The following ENOX1 variants were observed in gnomAD, a reference collection of about 807,000 sequenced individuals.
ENOX1 encodes candidate growth-related and time keeping constitutive hydroquinone (NADH) oxidase.
In ENOX1, 42 loss-of-function variants were observed where a neutral mutation model predicts 82.5. The ratio of observed to expected loss-of-function variants is 0.51; its 90% CI spans 0.40 to 0.66. The LOEUF is 0.66. Ranked by LOEUF, ENOX1 falls within the 30% of genes least tolerant of loss-of-function variation. The pLI, the probability that ENOX1 is intolerant of heterozygous loss-of-function variation, is 0.00. For missense variants in ENOX1, 608 were observed against 811.6 expected (o/e 0.75, Z 3.05); for synonymous variants, 271 against 282.2 (o/e 0.96, Z 0.40).
chr13:43,243,991 T>C (rs1169340675), intron 14 of ENOX1, among the ~76,000 whole-genome samples: 1 of 151,950 alleles, frequency 6.6e-6, no homozygotes, highest in Non-Finnish European at 1.5e-5. Context: ...GCCACTTATA[T>C]GGCAGTTCAT....
At chr13:43,382,483 C>G (rs1296432602) in intron 5 of ENOX1, among the ~76,000 whole-genome samples, 1 of 152,178 alleles carries the variant, frequency 6.6e-6, no homozygotes, top group African/African-American at 2.4e-5. Flanking sequence ...ACATGCGTGA[C>G]TTTCAGAATA....
intron 2 of ENOX1, among the ~76,000 whole-genome samples, chr13:43,508,036 TGA>T (rs2077233511): frequency 6.6e-6 from 1 of 151,932 alleles, no homozygotes; most frequent in African/African-American, 2.4e-5. Context: ...AAAGCACATA[TGA>T]GAGAAACTGG....
intron 12 of ENOX1, among the ~76,000 whole-genome samples, chr13:43,293,369 CCACCACAGCTACCTTCAT>C (rs2046113694): frequency 6.6e-6 from 1 of 152,088 alleles, no homozygotes; most frequent in Non-Finnish European, 1.5e-5. Context: ...GTTACCTTCT[CCACCACAGCTACCTTCAT>C]CACCACCCCC....
intron 1 of ENOX1, among the ~76,000 whole-genome samples, chr13:43,740,395 C>T (rs997689340): frequency 6.6e-6 from 1 of 151,972 alleles, no homozygotes; most frequent in African/African-American, 2.4e-5. Context: ...CATATGATAT[C>T]CATTTTAGAT....
At chr13:43,381,555 T>C (rs191678796) in intron 5 of ENOX1, among the ~76,000 whole-genome samples, 9 of 148,560 alleles carry the variant, frequency 6.1e-5, no homozygotes, top group East Asian at 3.9e-4. Context: ...ATTAGTGACA[T>C]AGAAAAACTA....
chr13:43,269,081 C>G (rs1431244927), intron 13 of ENOX1, among the ~76,000 whole-genome samples: 1 of 152,186 alleles, frequency 6.6e-6, no homozygotes, highest in Non-Finnish European at 1.5e-5. Flanking sequence ...ATGAATCAGT[C>G]CTTGTTCATG....
chr13:43,464,258 G>A (rs1297502669), intron 3 of ENOX1, among the ~76,000 whole-genome samples: 1 of 152,124 alleles, frequency 6.6e-6, no homozygotes, highest in Non-Finnish European at 1.5e-5. Flanking sequence ...CAAAATATAT[G>A]AAGGAAATAA....
intron 12 of ENOX1, among the ~76,000 whole-genome samples, chr13:43,290,658 G>A (rs2045948498): frequency 6.6e-6 from 1 of 152,160 alleles, no homozygotes; most frequent in East Asian, 1.9e-4. Flanking sequence ...CCAGGTGATG[G>A]GATCTGTACG....
chr13:43,509,507 A>G (rs964279390), intron 2 of ENOX1, among the ~76,000 whole-genome samples: 1 of 152,148 alleles, frequency 6.6e-6, no homozygotes, highest in African/African-American at 2.4e-5. Flanking sequence ...TTTTTGAAGC[A>G]TAGTGGGATA....
chr13:43,454,608 T>G (rs1268553772), intron 3 of ENOX1, among the ~76,000 whole-genome samples: 1 of 152,102 alleles, frequency 6.6e-6, no homozygotes, highest in Non-Finnish European at 1.5e-5. Flanking sequence ...TCTTTCCTGA[T>G]CTTTCCAGTG....
At chr13:43,475,164 A>G (rs543717361) in intron 3 of ENOX1, among the ~76,000 whole-genome samples, 1 of 152,304 alleles carries the variant, frequency 6.6e-6, no homozygotes, top group Admixed American at 6.5e-5. Context: ...AAATATCAAA[A>G]TTTGACCATT....
chr13:43,532,274 A>G (rs1014345290), intron 2 of ENOX1, among the ~76,000 whole-genome samples: 2 of 151,988 alleles, frequency 1.3e-5, no homozygotes, highest in Admixed American at 6.6e-5. Flanking sequence ...GTAACTCTTA[A>G]ACTATAATGT....
chr13:43,722,644 T>G (rs2088657458), intron 1 of ENOX1, among the ~76,000 whole-genome samples: 1 of 152,136 alleles, frequency 6.6e-6, no homozygotes, highest in Admixed American at 6.5e-5. Context: ...GACAGGGACT[T>G]TACATACATT....
chr13:43,463,738 A>C (rs190801542), intron 3 of ENOX1, among the ~76,000 whole-genome samples: 4 of 152,338 alleles, frequency 2.6e-5, no homozygotes, highest in African/African-American at 9.6e-5. Flanking sequence ...TAAAAAGCCA[A>C]TGCTTTTCTT....
intron 2 of ENOX1, among the ~76,000 whole-genome samples, chr13:43,493,816 T>A (rs2076702785): frequency 6.6e-6 from 1 of 152,162 alleles, no homozygotes. Context: ...TATCCCTTTG[T>A]TTTAGTCTAT....
At chr13:43,401,513 C>G (rs2053494862) in intron 5 of ENOX1, among the ~76,000 whole-genome samples, 1 of 152,078 alleles carries the variant, frequency 6.6e-6, no homozygotes, top group South Asian at 2.1e-4. Context: ...GAAACCAATG[C>G]CCCTGGAAAT....
At chr13:43,234,210 T>C (rs1162842236) in intron 15 of ENOX1, among the ~76,000 whole-genome samples, 3 of 152,172 alleles carry the variant, frequency 2.0e-5, no homozygotes, top group Non-Finnish European at 4.4e-5. Context: ...GGATCCATTT[T>C]GCTGGTCTTG....
At chr13:43,738,448 C>T (rs1323456832) in intron 1 of ENOX1, among the ~76,000 whole-genome samples, 1 of 152,042 alleles carries the variant, frequency 6.6e-6, no homozygotes, top group Admixed American at 6.6e-5. Context: ...CTTAAATTAC[C>T]CATTTTAAAA....
chr13:43,522,199 T>A (rs1268867546), intron 2 of ENOX1, among the ~76,000 whole-genome samples: 1 of 152,082 alleles, frequency 6.6e-6, no homozygotes, highest in Non-Finnish European at 1.5e-5. Flanking sequence ...TTCAGATAAT[T>A]CAATATTTTT....
Sources: gnomAD v4.1 joint callset for allele counts (sites outside exome capture counted in the v4.1 genomes callset) on GRCh38, gnomAD v4.1.1 for gene constraint, MANE v1.5 for transcripts, NCBI Gene and HGNC (gene_info 2026-07-23, HGNC 2026-07-21) for gene names.